The following FBXO16 variants were observed in gnomAD, a reference collection of about 807,000 sequenced individuals.
FBXO16 encodes the protein F-box only protein 16.
A neutral mutation model predicts 41.0 loss-of-function variants in FBXO16; 31 were observed. The observed-to-expected ratio is 0.76, with a 90% CI of 0.57 to 1.02. The LOEUF (loss-of-function observed/expected upper bound fraction) is 1.02, where lower values mean the gene tolerates loss of function less well. Among genes scored for constraint, FBXO16 ranks in the 50% least tolerant of loss-of-function variants. The pLI is 0.00. For missense variants in FBXO16, 361 were observed against 346.2 expected (o/e 1.04, Z -0.34); for synonymous variants, 133 against 117.8 (o/e 1.13, Z -0.84).
intron 5 of FBXO16, among the ~76,000 whole-genome samples, chr8:28,453,568 A>G (rs1802989409): frequency 1.3e-5 from 2 of 151,910 alleles, no homozygotes. Flanking sequence ...TATGTTGAGA[A>G]GCCATTAAGG....
intron 2 of FBXO16, among the ~76,000 whole-genome samples, chr8:28,482,636 T>C: frequency 6.6e-6 from 1 of 152,148 alleles, no homozygotes; most frequent in East Asian, 1.9e-4. Context: ...AATGGTGTGA[T>C]CTTGGCTCAC....
chr8:28,490,110 T>A (rs1344400166), intron 1 of FBXO16, 76 bp downstream of exon 1: 1 of 152,190 alleles, frequency 6.6e-6, no homozygotes, highest in Non-Finnish European at 1.5e-5. Flanking sequence ...AGAGCACTGA[T>A]AAAGCTCATG....
At chr8:28,474,946 A>C (rs1251294367) in intron 2 of FBXO16, among the ~76,000 whole-genome samples, 2 of 152,206 alleles carry the variant, frequency 1.3e-5, no homozygotes, top group Non-Finnish European at 2.9e-5. Context: ...TGAGTGAGGA[A>C]AGGAAGACTA....
intron 7 of FBXO16, among the ~76,000 whole-genome samples, chr8:28,441,947 T>TGTGTA (rs1491261277): frequency 2.4e-3 from 207 of 84,836 alleles, no homozygotes; most frequent in African/African-American, 7.8e-3. Flanking sequence ...TGTGTGTGTA[T>TGTGTA]TTTTTTTTTT....
At chr8:28,489,968 CAAG>C (rs1248727496) in intron 1 of FBXO16, among the ~76,000 whole-genome samples, 4 of 152,122 alleles carry the variant, frequency 2.6e-5, no homozygotes, top group African/African-American at 9.7e-5. Context: ...TTTTAAAAAG[CAAG>C]AACTATAACA....
At chr8:28,477,046 A>G (rs895823452) in intron 2 of FBXO16, among the ~76,000 whole-genome samples, 18 of 152,188 alleles carry the variant, frequency 1.2e-4, no homozygotes, top group African/African-American at 4.3e-4. Context: ...TCCTTCACCC[A>G]AAATTCACAA....
chr8:28,441,509 G>A (rs991890994), intron 7 of FBXO16, among the ~76,000 whole-genome samples: 2 of 152,140 alleles, frequency 1.3e-5, no homozygotes, highest in South Asian at 4.1e-4. Context: ...GCCAAGGTGG[G>A]TGGATCACCT....
At position 28,466,514 on chromosome 8, in the gene FBXO16, A is replaced by G. The variant is rs186347954; in HGVS notation, c.136-2696T>C. On this transcript the variant is annotated intron_variant, in intron 3 of 8. Transcript: ENST00000380254. ...CTCCCATAAAAGGAGACTTCTGGCCAGGCGCGGTGGCTCACACCTGTAATC... is the reference window on the plus strand; with the variant it reads ...CTCCCATAAAAGGAGACTTCTGGCCGGGCGCGGTGGCTCACACCTGTAATC... 1.7e-3 allele frequency among the ~76,000 whole-genome samples: 254 copies of G among 152,162 alleles called. 2 individuals are homozygous for G. The highest frequency in any genetic ancestry group is 5.8e-3 in the African/African-American group (242 of 41,532).
intron 3 of FBXO16, among the ~76,000 whole-genome samples, chr8:28,468,224 T>C (rs755416551): frequency 6.6e-6 from 1 of 152,202 alleles, no homozygotes; most frequent in Non-Finnish European, 1.5e-5. Context: ...TCATGTACGG[T>C]ACCTTGCTTC....
intron 7 of FBXO16, among the ~76,000 whole-genome samples, chr8:28,434,967 G>A (rs533576199): frequency 2.6e-5 from 4 of 152,182 alleles, no homozygotes; most frequent in Admixed American, 6.5e-5. Flanking sequence ...TTTTAGTTCC[G>A]TTGTCCATAG....
At chr8:28,441,910 A>G (rs10092686) in intron 7 of FBXO16, among the ~76,000 whole-genome samples, 24,250 of 107,754 alleles carry the variant, frequency 0.23, 2,787 homozygotes, top group African/African-American at 0.29. Flanking sequence ...GTATATATAT[A>G]TGTGTGTGTG....
At chr8:28,458,564 T>C (rs1803074887) in intron 4 of FBXO16, among the ~76,000 whole-genome samples, 2 of 147,140 alleles carry the variant, frequency 1.4e-5, no homozygotes, top group South Asian at 4.4e-4. Flanking sequence ...TTTTTTTTTT[T>C]TTTTTGAGAC....
At chr8:28,439,232 A>C (rs567623090) in intron 7 of FBXO16, among the ~76,000 whole-genome samples, 1 of 152,210 alleles carries the variant, frequency 6.6e-6, no homozygotes, top group Non-Finnish European at 1.5e-5. Context: ...ACAGATGAAG[A>C]AACTGAGGCC....
intron 7 of FBXO16, among the ~76,000 whole-genome samples, chr8:28,436,717 TAC>T (rs1183242937): frequency 6.6e-6 from 1 of 152,104 alleles, no homozygotes; most frequent in East Asian, 1.9e-4. Context: ...GAAACACACA[TAC>T]ACACACACAT....
intron 6 of FBXO16, among the ~76,000 whole-genome samples, chr8:28,449,726 C>T (rs1802922018): frequency 6.6e-6 from 1 of 151,938 alleles, no homozygotes; most frequent in South Asian, 2.1e-4. Context: ...GTAATCCCAG[C>T]ACTTTGGGAG....
chr8:28,441,432 G>A (rs529338087), intron 7 of FBXO16, among the ~76,000 whole-genome samples: 110 of 152,188 alleles, frequency 7.2e-4, no homozygotes, highest in African/African-American at 2.6e-3. Context: ...ACATGCATCT[G>A]CTGTTAAAAT....
intron 5 of FBXO16, among the ~76,000 whole-genome samples, chr8:28,455,356 C>A (rs1803023059): frequency 1.3e-5 from 2 of 152,020 alleles, no homozygotes; most frequent in Non-Finnish European, 2.9e-5. Flanking sequence ...CCCAACTCAG[C>A]CTCCCAAGTA....
chr8:28,439,012 A>G (rs1802724350), intron 7 of FBXO16, among the ~76,000 whole-genome samples: 1 of 151,772 alleles, frequency 6.6e-6, no homozygotes, highest in Non-Finnish European at 1.5e-5. Flanking sequence ...AGGCAGGAGA[A>G]TCGTTTGAAC....
chr8:28,469,970 C>T (rs974620799), intron 3 of FBXO16, among the ~76,000 whole-genome samples: 1 of 150,564 alleles, frequency 6.6e-6, no homozygotes, highest in East Asian at 2.0e-4. Context: ...TTTGGGAGGC[C>T]GAGGCGGCTG....
Sources: gnomAD v4.1 joint callset for allele counts (sites outside exome capture counted in the v4.1 genomes callset) on GRCh38, gnomAD v4.1.1 for gene constraint, MANE v1.5 for transcripts, NCBI Gene and HGNC (gene_info 2026-07-23, HGNC 2026-07-21) for gene names.